SMARCA5: variants seen among roughly 807,000 people sequenced by gnomAD.
SMARCA5 encodes the protein SNF2 related chromatin remodeling ATPase 5.
Under a neutral mutation model 140.4 loss-of-function variants are expected in SMARCA5, and 18 were observed. That is an observed-to-expected ratio of 0.13 (90% CI 0.09 to 0.19). The LOEUF (loss-of-function observed/expected upper bound fraction) is 0.19. Among genes scored for constraint, SMARCA5 ranks in the 10% least tolerant of loss-of-function variants. The probability of loss-of-function intolerance (pLI) is 1.00; values close to 1 mark genes in which losing one functional copy is unlikely to be tolerated. For synonymous variants in SMARCA5, 449 were observed against 419.6 expected, an observed-to-expected ratio of 1.07 and a Z score of -0.86; for missense variants, 606 against 1,276.8, an observed-to-expected ratio of 0.47 and a Z score of 8.01.
chr4:143,555,446 G>A lies in SMARCA5; in HGVS notation c.*2262G>A, dbSNP rs1161569541. The A allele has an allele frequency of 1.8e-6, 1 of 566,120 alleles. No homozygotes were observed. The highest frequency in any genetic ancestry group is 3.4e-5 in the East Asian group (1 of 29,420). The allele number at this position is 566,120 out of a possible 1,614,324, so 35.1% of individuals were successfully genotyped here. A position where few individuals can be genotyped will look rare whatever the true frequency, so the allele number is the denominator to read the frequency against. On this transcript the variant is annotated 3_prime_UTR_variant, in exon 24 of 24. Coordinates refer to ENST00000283131, the MANE Select transcript of SMARCA5 (RefSeq NM_003601.4). The stretch of plus-strand genomic sequence containing the variant: ...TGTATTTGTGACTAATTGTATAATA[G>A]TTTCTGTTCTGTGGAAAGTAAAGCA...
intron 23 of SMARCA5, among the ~76,000 whole-genome samples, chr4:143,551,926 AT>A (rs201164810): frequency 6.6e-6 from 1 of 150,532 alleles, no homozygotes; most frequent in East Asian, 2.0e-4. Context: ...AAATTTTAGT[AT>A]TTTTTTTTCT....
chr4:143,551,822 A>G (rs1212343554), intron 23 of SMARCA5, among the ~76,000 whole-genome samples: 1 of 152,112 alleles, frequency 6.6e-6, no homozygotes, highest in African/African-American at 2.4e-5. Context: ...ATAGCTCGGT[A>G]CTATAAGTTA....
In SMARCA5 at chr4:143,514,002, C is replaced by G; in HGVS notation, c.78C>G (p.Ser26Arg). ...APSKPAASIA[S>R]GGSNSSNKGG... ...CCAAGCCCGCAGCCTCGATCGCCAG[C>G]GGCGGGAGCAACAGCAGCAACAAAG... The change falls in exon 1 of 24, where the codon AGC becomes AGG. Residue 26 changes from serine (S) to arginine (R), a missense_variant. Ser to Arg is a moderately radical substitution (Grantham distance 110). Coordinates refer to ENST00000283131, the MANE Select transcript of SMARCA5 (RefSeq NM_003601.4). 6.5e-7 allele frequency: 1 copy of G among 1,549,840 alleles called. No individual in the cohort carries two copies. Among genetic ancestry groups the G allele is most frequent in the Non-Finnish European group, 8.7e-7 (1 of 1,154,648 alleles).
At chr4:143,517,543 T>A in intron 2 of SMARCA5, 114 bp downstream of exon 2, 2 of 603,190 alleles carry the variant, frequency 3.3e-6, no homozygotes, top group East Asian at 3.4e-5. Context: ...ACAGACTGGG[T>A]AATTTATAAA....
intron 6 of SMARCA5, among the ~76,000 whole-genome samples, chr4:143,527,548 C>T (rs540234573): frequency 6.6e-6 from 1 of 152,134 alleles, no homozygotes; most frequent in East Asian, 1.9e-4. Flanking sequence ...ATGTTAAAAC[C>T]TCCCTCTTTT....
Position 143,553,288 on chromosome 4 carries a change from G to A in SMARCA5, c.*104G>A. The A allele has an allele frequency of 1.3e-6, 1 of 794,656 alleles. No individual in the cohort carries two copies. Among genetic ancestry groups the A allele is most frequent in the South Asian group, 1.5e-5 (1 of 64,902 alleles). 49.2% of individuals were successfully genotyped at this position (794,656 alleles called of 1,614,324 possible). On this transcript the variant is annotated 3_prime_UTR_variant, in exon 24 of 24. Coordinates refer to ENST00000283131, the MANE Select transcript of SMARCA5 (RefSeq NM_003601.4). Reference sequence around the variant, plus strand: ...ATGCTCAATTGTTATGTCATTTAAAGACATCAGGTTCATCTGTTTACTGAG... The same window carrying A: ...ATGCTCAATTGTTATGTCATTTAAAAACATCAGGTTCATCTGTTTACTGAG...
rs1010084111 is a variant in SMARCA5 at position 143,513,721 on chromosome 4, C to T, written c.-204C>T. Reference sequence around the variant, plus strand: ...GTAAGCGCCGGTGGAACCTAGAGCCCCGCGGAAGAGCAGAACGTTTGGGAG... The same window carrying T: ...GTAAGCGCCGGTGGAACCTAGAGCCTCGCGGAAGAGCAGAACGTTTGGGAG... On this transcript the variant is annotated 5_prime_UTR_variant, in exon 1 of 24. Transcript: ENST00000283131. 1.7e-6 allele frequency: 1 copy of T among 597,978 alleles called. No homozygotes were observed. Among genetic ancestry groups the T allele is most frequent in the Non-Finnish European group, 2.9e-6 (1 of 349,758 alleles). The allele number at this position is 597,978 out of a possible 1,614,324, so 37.0% of individuals were successfully genotyped here.
chr4:143,534,780 A>G, intron 9 of SMARCA5, 75 bp from the exon 10 acceptor site: 4 of 1,049,844 alleles, frequency 3.8e-6, no homozygotes, highest in South Asian at 1.8e-5. Context: ...TGTATTTTAT[A>G]TACAATTCTA....
rs567701309 is a variant in SMARCA5, at chr4:143,536,366, T to G, written c.1269-86T>G. ...TTTCTTACAGATATTTGGGGGTTCA[T>G]GTGGGGAAGGGGATTAAGTATGTAA... On this transcript the variant is annotated intron_variant, in intron 10 of 23. Coordinates refer to ENST00000283131, the MANE Select transcript of SMARCA5 (RefSeq NM_003601.4). 4 of 856,166 alleles carry G rather than the reference T, an allele frequency of 4.7e-6. No homozygotes were observed. The East Asian group carries it at 7.6e-5, about 16-fold the overall frequency. The allele number at this position is 856,166 out of a possible 1,614,324, so 53.0% of individuals were successfully genotyped here. A position where few individuals can be genotyped will look rare whatever the true frequency, so the allele number is the denominator to read the frequency against.
Position 143,534,978 on chromosome 4 carries a change from G to T in SMARCA5, c.1268+14G>T. On this transcript the variant is annotated intron_variant, in intron 10 of 23. Coordinates refer to ENST00000283131, the MANE Select transcript of SMARCA5 (RefSeq NM_003601.4). ...GCAAAGGGAATGGTATGTATTCTCAGATGTACTTGATAGCACTATTGATTC... is the reference window on the plus strand; with the variant it reads ...GCAAAGGGAATGGTATGTATTCTCATATGTACTTGATAGCACTATTGATTC... 6.8e-7 allele frequency: 1 copy of T among 1,479,618 alleles called. No homozygotes were observed. Among genetic ancestry groups the T allele is most frequent in the Middle Eastern group, 1.7e-4 (1 of 5,778 alleles). 91.7% of individuals were successfully genotyped at this position (1,479,618 alleles called of 1,614,324 possible). A position where few individuals can be genotyped will look rare whatever the true frequency, so the allele number is the denominator to read the frequency against.
At chr4:143,514,460 T>A in intron 1 of SMARCA5, 1 of 204,910 alleles carries the variant, frequency 4.9e-6, no homozygotes, top group Non-Finnish European at 9.9e-6. Flanking sequence ...AATGTGGTTT[T>A]TAGTTTCCAC....
intron 14 of SMARCA5, among the ~76,000 whole-genome samples, chr4:143,542,761 A>G (rs1737456337): frequency 6.6e-6 from 1 of 152,138 alleles, no homozygotes; most frequent in African/African-American, 2.4e-5. Context: ...AGGTTGTCCA[A>G]ACTCCTGCCA....
intron 9 of SMARCA5, among the ~76,000 whole-genome samples, chr4:143,532,729 C>G (rs1737217279): frequency 1.3e-5 from 2 of 151,390 alleles, no homozygotes; most frequent in African/African-American, 4.9e-5. Flanking sequence ...CTAAGACCCC[C>G]TTATTTCCCC....
intron 2 of SMARCA5, among the ~76,000 whole-genome samples, chr4:143,521,134 C>CA (rs1334444594): frequency 1.3e-5 from 2 of 152,130 alleles, no homozygotes; most frequent in Non-Finnish European, 2.9e-5. Flanking sequence ...CCATCATCCC[C>CA]AAAGTTTGCT....
chr4:143,553,709 CAA>C lies in SMARCA5; in HGVS notation c.*527_*528del, dbSNP rs1403959047. On this transcript the variant is annotated 3_prime_UTR_variant, in exon 24 of 24. Transcript: ENST00000283131. ...GGTAGAATGGGAAAAGAAGGCAAGA[CAA>C]AGTATACTTAAATTCTATGCATATT... is the stretch of plus-strand genomic sequence containing the variant. The C allele has an allele frequency of 6.6e-6, 1 of 152,172 alleles. No homozygotes were observed. Among genetic ancestry groups the C allele is most frequent in the Non-Finnish European group, 1.5e-5 (1 of 68,056 alleles). 9.4% of individuals were successfully genotyped at this position (152,172 alleles called of 1,614,324 possible).
chr4:143,526,533 T>G, intron 6 of SMARCA5, 73 bp downstream of exon 6: 1 of 920,618 alleles, frequency 1.1e-6, no homozygotes, highest in Non-Finnish European at 1.7e-6. Flanking sequence ...TGGGTATAGC[T>G]GGAAGAAGGA....
In SMARCA5 at chr4:143,533,448, T is replaced by A. The variant is rs546222248; in HGVS notation, c.1159-1407T>A. Among the ~76,000 whole-genome samples, 11 of 152,112 alleles carry A rather than the reference T, an allele frequency of 7.2e-5. No homozygotes were observed. In the South Asian group the frequency reaches 2.1e-3, roughly 29 times the overall value. On this transcript the variant is annotated intron_variant, in intron 9 of 23. Transcript: ENST00000283131. The stretch of plus-strand genomic sequence containing the variant: ...ATATTCTTTCCCTAAGTTAGTACAT[T>A]AAGTTTAAAGACTAACCATAAGGAG...
At chr4:143,534,170 CATA>C (rs1235082952) in intron 9 of SMARCA5, among the ~76,000 whole-genome samples, 1 of 151,378 alleles carries the variant, frequency 6.6e-6, no homozygotes, top group Non-Finnish European at 1.5e-5. Flanking sequence ...TTTTTTTAGA[CATA>C]ATGCTATTGC....
chr4:143,544,320 A>G (rs1357054728), intron 16 of SMARCA5: 6 of 178,452 alleles, frequency 3.4e-5, no homozygotes, highest in African/African-American at 1.4e-4. Flanking sequence ...CATAAGTAAT[A>G]CTTGGTAATA....
Sources: gnomAD v4.1 joint callset for allele counts (sites outside exome capture counted in the v4.1 genomes callset) on GRCh38, gnomAD v4.1.1 for gene constraint, MANE v1.5 for transcripts, NCBI Gene and HGNC (gene_info 2026-07-23, HGNC 2026-07-21) for gene names.